DLC1: variants seen among roughly 807,000 people sequenced by gnomAD.
The protein encoded by DLC1 is rho GTPase-activating protein 7.
A neutral mutation model predicts 140.3 loss-of-function variants in DLC1; 54 were observed. That is an observed-to-expected ratio of 0.38 (90% CI 0.31 to 0.48). The LOEUF is 0.48. Ranked by LOEUF, DLC1 falls within the 20% of genes least tolerant of loss-of-function variation. DLC1 has a pLI of 0.96. For missense variants in DLC1, 2,536 were observed against 1,907.0 expected (o/e 1.33, Z -6.14); for synonymous variants, 986 against 728.1 (o/e 1.35, Z -5.70).
chr8:13,416,581 A>G (rs1648583831), intron 2 of DLC1, among the ~76,000 whole-genome samples: 1 of 152,194 alleles, frequency 6.6e-6, no homozygotes, highest in African/African-American at 2.4e-5. Flanking sequence ...GAAATGTTTC[A>G]TTTCAGAATC....
chr8:13,548,682 G>A (rs12155647), intron 1 of DLC1, among the ~76,000 whole-genome samples: 41,561 of 151,734 alleles, frequency 0.27, 6,109 homozygotes, highest in South Asian at 0.39. Flanking sequence ...AATTGACATC[G>A]TAACTTAAGA....
intron 5 of DLC1, among the ~76,000 whole-genome samples, chr8:13,268,912 T>C (rs1315885540): frequency 1.4e-5 from 2 of 147,894 alleles, no homozygotes; most frequent in Non-Finnish European, 3.0e-5. Context: ...TCTCACTCTG[T>C]GGCCCAGGCT....
At chr8:13,466,244 A>T (rs190700117) in intron 2 of DLC1, among the ~76,000 whole-genome samples, 1 of 152,210 alleles carries the variant, frequency 6.6e-6, no homozygotes, top group East Asian at 1.9e-4. Context: ...CTCTCTTGCT[A>T]CCTACCTGCT....
At chr8:13,454,602 C>G (rs1373299914) in intron 2 of DLC1, among the ~76,000 whole-genome samples, 2 of 152,156 alleles carry the variant, frequency 1.3e-5, no homozygotes, top group African/African-American at 4.8e-5. Context: ...GTCATCCAGG[C>G]TGGACTGCAG....
intron 5 of DLC1, among the ~76,000 whole-genome samples, chr8:13,179,133 A>C (rs1825906279): frequency 6.6e-6 from 1 of 152,198 alleles, no homozygotes; most frequent in Non-Finnish European, 1.5e-5. Context: ...AATTTGAAGA[A>C]TTTCATGAGT....
At chr8:13,466,948 CA>C (rs57006330) in intron 2 of DLC1, among the ~76,000 whole-genome samples, 23,452 of 57,274 alleles carry the variant, frequency 0.41, 2,447 homozygotes, top group East Asian at 0.48. Context: ...TACTATTTCA[CA>C]AAAAAAAAAC....
At chr8:13,149,924 C>G (rs1366793297) in intron 5 of DLC1, among the ~76,000 whole-genome samples, 3 of 152,224 alleles carry the variant, frequency 2.0e-5, no homozygotes, top group Non-Finnish European at 4.4e-5. Flanking sequence ...AGACTTCATT[C>G]TGCTGGTAAC....
At chr8:13,533,718 C>A (rs1803177128) in intron 1 of DLC1, among the ~76,000 whole-genome samples, 1 of 152,224 alleles carries the variant, frequency 6.6e-6, no homozygotes, top group East Asian at 1.9e-4. Flanking sequence ...TGTGTCCCCA[C>A]CCAAATCTCA....
At chr8:13,486,161 A>T (rs1439076825) in intron 2 of DLC1, among the ~76,000 whole-genome samples, 1 of 152,224 alleles carries the variant, frequency 6.6e-6, no homozygotes, top group Non-Finnish European at 1.5e-5. Flanking sequence ...AGGAGTACAG[A>T]ATAACCGAAT....
intron 15 of DLC1, among the ~76,000 whole-genome samples, chr8:13,089,746 C>A (rs1376610650): frequency 2.0e-5 from 3 of 152,244 alleles, no homozygotes; most frequent in Non-Finnish European, 4.4e-5. Context: ...GCGGCATCAA[C>A]ATATACCTCC....
chr8:13,429,841 T>C (rs765606700), intron 2 of DLC1, among the ~76,000 whole-genome samples: 1 of 152,218 alleles, frequency 6.6e-6, no homozygotes, highest in Non-Finnish European at 1.5e-5. Flanking sequence ...TGATATTTAA[T>C]AATGCATACT....
intron 1 of DLC1, among the ~76,000 whole-genome samples, chr8:13,582,677 T>C (rs1805149152): frequency 6.6e-6 from 1 of 151,730 alleles, no homozygotes; most frequent in African/African-American, 2.4e-5. Context: ...TAATACTTAA[T>C]AAACTTCCAT....
At chr8:13,327,321 C>G (rs1459193324) in intron 4 of DLC1, among the ~76,000 whole-genome samples, 1 of 151,812 alleles carries the variant, frequency 6.6e-6, no homozygotes, top group African/African-American at 2.4e-5. Context: ...GAGTGATGCC[C>G]CAAATGGGAT....
intron 5 of DLC1, among the ~76,000 whole-genome samples, chr8:13,284,908 C>G (rs1831488657): frequency 6.6e-6 from 1 of 151,998 alleles, no homozygotes; most frequent in Admixed American, 6.5e-5. Flanking sequence ...GGAGATGTAC[C>G]ATTTATGCAT....
At chr8:13,285,531 T>C (rs899337718) in intron 5 of DLC1, among the ~76,000 whole-genome samples, 1 of 152,118 alleles carries the variant, frequency 6.6e-6, no homozygotes, top group African/African-American at 2.4e-5. Context: ...CAAAAGAAGA[T>C]ATATGAATGG....
At chr8:13,288,951 A>G (rs1195626593) in intron 5 of DLC1, among the ~76,000 whole-genome samples, 1 of 152,222 alleles carries the variant, frequency 6.6e-6, no homozygotes, top group African/African-American at 2.4e-5. Flanking sequence ...ATGGCCTTTT[A>G]TATGGCAGTG....
At chr8:13,136,220 G>A (rs1822550596) in intron 5 of DLC1, among the ~76,000 whole-genome samples, 1 of 152,070 alleles carries the variant, frequency 6.6e-6, no homozygotes, top group Non-Finnish European at 1.5e-5. Flanking sequence ...TAGATTCAGG[G>A]GGTACATGTG....
chr8:13,109,664 C>T (rs1333208384), intron 7 of DLC1, among the ~76,000 whole-genome samples: 2 of 150,988 alleles, frequency 1.3e-5, no homozygotes, highest in African/African-American at 4.9e-5. Flanking sequence ...GTGGGTGGAT[C>T]ACCTGAGGTT....
rs77239813 is a variant in DLC1, at chr8:13,482,274, T to G, written c.1023+16775A>C. 5.9e-5 allele frequency among the ~76,000 whole-genome samples: 9 copies of G among 152,350 alleles called. No individual in the cohort carries two copies. In the East Asian group the frequency reaches 1.7e-3, roughly 29 times the overall value. On this transcript the variant is annotated intron_variant, in intron 2 of 17. Transcript: ENST00000276297. ...TATGTATATAAATGGAAGCATGTAT[T>G]TCTAGTCATATATCTAATGCACAGA...
Sources: allele counts gnomAD v4.1 joint callset (sites outside exome capture counted in the v4.1 genomes callset), GRCh38; gene constraint gnomAD v4.1.1; transcripts MANE v1.5; gene names NCBI Gene and HGNC (gene_info 2026-07-23, HGNC 2026-07-21).